EFL1: variants seen among roughly 807,000 people sequenced by gnomAD.
EFL1 encodes elongation factor-like GTPase 1.
A neutral mutation model predicts 126.7 loss-of-function variants in EFL1; 76 were observed. That is an observed-to-expected ratio of 0.60 (90% confidence interval 0.50 to 0.73). The LOEUF (loss-of-function observed/expected upper bound fraction) is 0.73. Ranked by LOEUF, EFL1 falls within the 30% of genes least tolerant of loss-of-function variation. EFL1 has a pLI of 0.00. For synonymous variants in EFL1, 410 were observed against 448.4 expected, an observed-to-expected ratio of 0.91 and a Z score of 1.08; for missense variants, 1,128 against 1,343.2, an observed-to-expected ratio of 0.84 and a Z score of 2.50.
chr15:82,178,640 T>A (rs2074218615), intron 15 of EFL1, among the ~76,000 whole-genome samples: 1 of 152,222 alleles, frequency 6.6e-6, no homozygotes, highest in Admixed American at 6.5e-5. Context: ...TTCCTCCCTC[T>A]TGAGACTAAG....
intron 15 of EFL1, 142 bp from the exon 16 acceptor site, chr15:82,164,126 C>A: frequency 1.9e-6 from 2 of 1,027,444 alleles, no homozygotes; most frequent in Non-Finnish European, 1.4e-6. Flanking sequence ...CGGACCTGCA[C>A]TGTTTTTTTT....
intron 7 of EFL1, among the ~76,000 whole-genome samples, chr15:82,236,147 G>A (rs1181996673): frequency 6.6e-6 from 1 of 151,844 alleles, no homozygotes; most frequent in Non-Finnish European, 1.5e-5. Flanking sequence ...ACTACAAAAT[G>A]CTCATAAAAG....
At chr15:82,195,492 T>C (rs1456477980) in intron 15 of EFL1, among the ~76,000 whole-genome samples, 1 of 152,176 alleles carries the variant, frequency 6.6e-6, no homozygotes, top group Admixed American at 6.5e-5. Flanking sequence ...ACAGTGAACA[T>C]GAGAATCAAC....
In EFL1 at chr15:82,240,480, T is replaced by C. The variant is rs1306677360; in HGVS notation, c.454A>G (p.Ile152Val). The change falls in exon 6 of 20, where the codon ATA becomes GTA. Residue 152 changes from isoleucine (I) to valine (V), a missense_variant. This residue lies in a region of EFL1 where 316 missense variants were observed against 318.5 expected (regional missense o/e 0.99). Coordinates refer to ENST00000268206, the MANE Select transcript of EFL1 (RefSeq NM_024580.6). ...TGTGGGGTGAATTTCAGTTCCACTATCAAGCGATCAATCTTATTAATCACT... is the reference window on the plus strand; with the variant it reads ...TGTGGGGTGAATTTCAGTTCCACTACCAAGCGATCAATCTTATTAATCACT... ...VLVINKIDRLIVELKFTPQEA... is the reference protein window; with the variant it reads ...VLVINKIDRLVVELKFTPQEA... 1.2e-6 allele frequency: 2 copies of C among 1,614,048 alleles called. No homozygotes were observed. The highest frequency in any genetic ancestry group is 3.3e-5 in the Admixed American group (2 of 60,028).
rs757011710 is a variant in EFL1 at position 82,238,273 on chromosome 15, G to C, written c.731+34C>G. 8.8e-6 allele frequency: 14 copies of C among 1,597,708 alleles called. No homozygotes were observed. In the Admixed American group the frequency reaches 1.7e-4, roughly 20 times the overall value. On this transcript the variant is annotated intron_variant, in intron 7 of 19. Transcript: ENST00000268206. Reference sequence around the variant, plus strand: ...AAACAATCAACTGCATATAAAATCTGCAAAGAGATTTAATCAGATGCAAAC... The same window carrying C: ...AAACAATCAACTGCATATAAAATCTCCAAAGAGATTTAATCAGATGCAAAC...
intron 15 of EFL1, among the ~76,000 whole-genome samples, chr15:82,213,445 C>CA (rs1167167963): frequency 6.6e-6 from 1 of 152,178 alleles, no homozygotes; most frequent in Non-Finnish European, 1.5e-5. Context: ...CCTTATACAC[C>CA]ACTTAACCTC....
rs756494164 is a variant in EFL1, at chr15:82,130,531, T to C, written c.3205A>G (p.Thr1069Ala). The C allele has an allele frequency of 1.8e-5, 29 of 1,614,026 alleles. No homozygotes were observed. Among genetic ancestry groups the C allele is most frequent in the East Asian group, 1.1e-4 (5 of 44,894 alleles). The change falls in exon 20 of 20, where the codon ACT becomes GCT. Residue 1069 changes from threonine (T) to alanine (A), a missense_variant. Coordinates refer to ENST00000268206, the MANE Select transcript of EFL1 (RefSeq NM_024580.6). Reference sequence around the variant, plus strand: ...AAGTGCAAGTATTCCTCCTCAGTAGTTGGCACCCAGAAGGGGTCACTGGGA... The same window carrying C: ...AAGTGCAAGTATTCCTCCTCAGTAGCTGGCACCCAGAAGGGGTCACTGGGA... The part of the protein sequence containing the change: ...IIPSDPFWVP[T>A]TEEEYLHFGE...
intron 11 of EFL1, among the ~76,000 whole-genome samples, chr15:82,226,891 C>G (rs183102367): frequency 6.6e-6 from 1 of 151,908 alleles, no homozygotes; most frequent in Non-Finnish European, 1.5e-5. Flanking sequence ...CAGGGAGACA[C>G]GAAGAAAAGC....
At chr15:82,198,738 T>A (rs572068223) in intron 15 of EFL1, among the ~76,000 whole-genome samples, 132 of 152,234 alleles carry the variant, frequency 8.7e-4, no homozygotes, top group East Asian at 3.9e-3. Flanking sequence ...GCAGATGCAG[T>A]TTCAGGTCTG....
At position 82,225,121 on chromosome 15, in the gene EFL1, T is replaced by C. The variant is rs375401509; in HGVS notation, c.1292+44A>G. On this transcript the variant is annotated intron_variant, in intron 12 of 19. Coordinates refer to ENST00000268206, the MANE Select transcript of EFL1 (RefSeq NM_024580.6). The stretch of plus-strand genomic sequence containing the variant: ...CAGCCCAACTGCATCCCACCAAACA[T>C]ACACCATATTCCTAGCCCAGCCCAA... The C allele has an allele frequency of 9.5e-6, 14 of 1,477,382 alleles. No homozygotes were observed. The African/African-American group carries it at 1.3e-4, about 13-fold the overall frequency. The allele number at this position is 1,477,382 out of a possible 1,614,324, so 91.5% of individuals were successfully genotyped here.
intron 7 of EFL1, among the ~76,000 whole-genome samples, chr15:82,234,120 T>C (rs1274507063): frequency 6.6e-6 from 1 of 152,202 alleles, no homozygotes; most frequent in East Asian, 1.9e-4. Context: ...TCCCTGTCCT[T>C]CCACAATAAA....
intron 15 of EFL1, among the ~76,000 whole-genome samples, chr15:82,180,379 AAAAAC>A (rs962195230): frequency 2.3e-5 from 3 of 129,946 alleles, no homozygotes; most frequent in South Asian, 2.1e-4. Flanking sequence ...AAAACAAAAA[AAAAAC>A]AAACAAAAAA....
At chr15:82,240,326 C>T (rs2074917749) in intron 6 of EFL1, 92 bp downstream of exon 6, 1 of 1,304,522 alleles carries the variant, frequency 7.7e-7, no homozygotes, top group Admixed American at 2.7e-5. Context: ...GAAAAGTTCC[C>T]TTTTCTGTAG....
chr15:82,255,206 T>C (rs1003722838), intron 3 of EFL1, among the ~76,000 whole-genome samples: 1 of 152,232 alleles, frequency 6.6e-6, no homozygotes, highest in Non-Finnish European at 1.5e-5. Context: ...AGATGGGTGA[T>C]AAATAGCATC....
Position 82,214,783 on chromosome 15 carries a change from T to A in EFL1, c.1684A>T (p.Asn562Tyr). The A allele has an allele frequency of 1.9e-6, 3 of 1,598,956 alleles. No homozygotes were observed. The highest frequency in any genetic ancestry group is 2.6e-6 in the Non-Finnish European group (3 of 1,174,028). ...TCCCTTCCCATCAGAAGATACAGGT[T>A]TTCCAGAGCACAGTATGCCATGTGG... ...VPHMAYCALENLYLLMGRELE... is the reference protein window; with the variant it reads ...VPHMAYCALEYLYLLMGRELE... Residue 562 changes from asparagine (N) to tyrosine (Y), a missense_variant, in exon 15 of 20, where the codon AAC (asparagine) becomes TAC (tyrosine). Coordinates refer to ENST00000268206, the MANE Select transcript of EFL1 (RefSeq NM_024580.6).
At chr15:82,217,829 A>T (rs1281725298) in intron 14 of EFL1, among the ~76,000 whole-genome samples, 1 of 152,144 alleles carries the variant, frequency 6.6e-6, no homozygotes, top group Non-Finnish European at 1.5e-5. Context: ...GTGATTCTAT[A>T]CCATCATACA....
chr15:82,140,897 T>G (rs1397819003), intron 18 of EFL1, among the ~76,000 whole-genome samples: 1 of 152,136 alleles, frequency 6.6e-6, no homozygotes, highest in Admixed American at 6.5e-5. Flanking sequence ...TAAAACTCAT[T>G]TTCTCCCAGG....
intron 19 of EFL1, among the ~76,000 whole-genome samples, chr15:82,131,957 A>G (rs2073652434): frequency 6.6e-6 from 1 of 152,240 alleles, no homozygotes; most frequent in Non-Finnish European, 1.5e-5. Flanking sequence ...TCAAGTATGT[A>G]TAGGGTATAT....
At chr15:82,131,942 A>G (rs2073652049) in intron 19 of EFL1, among the ~76,000 whole-genome samples, 1 of 152,228 alleles carries the variant, frequency 6.6e-6, no homozygotes, top group Non-Finnish European at 1.5e-5. Context: ...GAAAGTCAAG[A>G]GCCATCAAGT....
Sources: allele counts gnomAD v4.1 joint callset (sites outside exome capture counted in the v4.1 genomes callset), GRCh38; gene constraint gnomAD v4.1.1; regional missense constraint gnomAD v4.1.1; transcripts MANE v1.5; gene names NCBI Gene and HGNC (gene_info 2026-07-23, HGNC 2026-07-21).